The following SDK1 variants were observed in gnomAD, a reference collection of about 807,000 sequenced individuals.
SDK1 encodes the protein protein sidekick-1.
SDK1 carries 157 observed loss-of-function variants against 245.5 expected under a neutral mutation model. The observed-to-expected ratio is 0.64, with a 90% CI of 0.56 to 0.73. The LOEUF (loss-of-function observed/expected upper bound fraction) is 0.73. Among genes scored for constraint, SDK1 ranks in the 30% least tolerant of loss-of-function variants. SDK1 has a pLI of 0.00. For synonymous variants in SDK1, 1,647 were observed against 1,278.5 expected (o/e 1.29, Z -6.15); for missense variants, 3,583 against 3,002.3 (o/e 1.19, Z -4.52).
chr7:3,869,153 CTTTTTTTTT>C (rs751723918), intron 5 of SDK1, among the ~76,000 whole-genome samples: 1 of 117,130 alleles, frequency 8.5e-6, no homozygotes, highest in African/African-American at 3.5e-5. Context: ...TTTTTCATTT[CTTTTTTTTT>C]TTTTTTTTTT....
chr7:3,598,630 C>T (rs755652028), intron 1 of SDK1, among the ~76,000 whole-genome samples: 1 of 152,200 alleles, frequency 6.6e-6, no homozygotes. Flanking sequence ...TGTCCCCATC[C>T]CTGGCCCTGG....
At chr7:3,389,954 G>GT (rs1334486148) in intron 1 of SDK1, among the ~76,000 whole-genome samples, 4 of 152,258 alleles carry the variant, frequency 2.6e-5, no homozygotes, top group African/African-American at 9.6e-5. Flanking sequence ...AAGACTGCTG[G>GT]TGAGGGCTTA....
chr7:3,558,467 T>C (rs1360602566), intron 1 of SDK1, among the ~76,000 whole-genome samples: 1 of 152,190 alleles, frequency 6.6e-6, no homozygotes, highest in East Asian at 1.9e-4. Flanking sequence ...GAAAAGATCA[T>C]AGAGAAGATT....
chr7:3,747,087 C>A (rs1779646908), intron 4 of SDK1, among the ~76,000 whole-genome samples: 1 of 152,150 alleles, frequency 6.6e-6, no homozygotes, highest in African/African-American at 2.4e-5. Context: ...ACATTCATCT[C>A]CATGAGAACT....
chr7:3,311,299 T>G (rs1248479674), intron 1 of SDK1, among the ~76,000 whole-genome samples: 1 of 152,140 alleles, frequency 6.6e-6, no homozygotes, highest in African/African-American at 2.4e-5. Context: ...TCAGTCTTGC[T>G]TAGAGAGGTA....
rs146377348 is a variant in SDK1 at position 3,733,399 on chromosome 7, A to G, written c.714-88051A>G. On this transcript the variant is annotated intron_variant, in intron 4 of 44. Transcript: ENST00000404826. ...GAGACTATCTTATGAGTTAGTGTGC[A>G]TGATTGATTTGTAGAAACTACAGAT... Among the ~76,000 whole-genome samples the G allele has an allele frequency of 2.4e-3, 367 of 152,318 alleles. 3 individuals are homozygous for G. Among genetic ancestry groups the G allele is most frequent in the African/African-American group, 8.5e-3 (353 of 41,574 alleles).
intron 4 of SDK1, among the ~76,000 whole-genome samples, chr7:3,646,338 G>A (rs1782834375): frequency 7.3e-6 from 1 of 136,194 alleles, no homozygotes; most frequent in African/African-American, 3.0e-5. Context: ...TCATTTTCAA[G>A]GGAAACAGTA....
rs116073295 is a variant in SDK1, at chr7:3,687,897, C to T, written c.713+45792C>T. ...ACCTGGATAAAGGTACCCAGGATTG[C>T]TGTATTTTTCTTACAGCTGCATGTG... On this transcript the variant is annotated intron_variant, in intron 4 of 44. Coordinates refer to ENST00000404826, the MANE Select transcript of SDK1 (RefSeq NM_152744.4). Among the ~76,000 whole-genome samples, 436 of 152,272 alleles carry T rather than the reference C, an allele frequency of 2.9e-3. 3 individuals are homozygous for T. The highest frequency in any genetic ancestry group is 1.0e-2 in the African/African-American group (415 of 41,558).
intron 1 of SDK1, among the ~76,000 whole-genome samples, chr7:3,587,931 T>C (rs974732660): frequency 6.6e-6 from 1 of 152,236 alleles, no homozygotes; most frequent in African/African-American, 2.4e-5. Context: ...AGTAAACATG[T>C]GTTGGATGGT....
chr7:3,535,189 T>C (rs1317680992), intron 1 of SDK1, among the ~76,000 whole-genome samples: 1 of 151,992 alleles, frequency 6.6e-6, no homozygotes, highest in African/African-American at 2.4e-5. Flanking sequence ...GGCAGGAGAA[T>C]TGCTTGAACC....
At chr7:4,211,701 C>T (rs1230999244) in intron 38 of SDK1, among the ~76,000 whole-genome samples, 4 of 152,180 alleles carry the variant, frequency 2.6e-5, no homozygotes, top group African/African-American at 9.6e-5. Flanking sequence ...GCTCCGCCTC[C>T]CGGGTTCGCA....
At chr7:3,736,568 G>T (rs889522778) in intron 4 of SDK1, among the ~76,000 whole-genome samples, 1 of 152,030 alleles carries the variant, frequency 6.6e-6, no homozygotes, top group Admixed American at 6.5e-5. Context: ...CACCATGCCC[G>T]GCCACATTAG....
At chr7:3,379,397 G>C in intron 1 of SDK1, among the ~76,000 whole-genome samples, 1 of 152,106 alleles carries the variant, frequency 6.6e-6, no homozygotes, top group South Asian at 2.1e-4. Flanking sequence ...AGTCCACCTG[G>C]AGCACGTGTG....
intron 1 of SDK1, among the ~76,000 whole-genome samples, chr7:3,600,724 A>G (rs1013690548): frequency 2.0e-5 from 3 of 151,456 alleles, no homozygotes; most frequent in Non-Finnish European, 4.4e-5. Flanking sequence ...AATTTTTTGT[A>G]TTTTTAGTAG....
At chr7:3,840,378 A>C (rs77617046) in intron 5 of SDK1, among the ~76,000 whole-genome samples, 6,175 of 152,280 alleles carry the variant, frequency 0.041, 411 homozygotes, top group African/African-American at 0.14. Context: ...TTCTAATGCT[A>C]CATGCCCATG....
chr7:3,851,491 C>G (rs189076517), intron 5 of SDK1, among the ~76,000 whole-genome samples: 40 of 152,090 alleles, frequency 2.6e-4, no homozygotes, highest in Admixed American at 2.0e-3. Context: ...TTGCTTTGTC[C>G]AAGTTTTCCC....
At chr7:3,579,234 A>G (rs1780404983) in intron 1 of SDK1, among the ~76,000 whole-genome samples, 1 of 149,770 alleles carries the variant, frequency 6.7e-6, no homozygotes, top group Non-Finnish European at 1.5e-5. Context: ...GCAGAAAAAA[A>G]TGACTTTAGC....
intron 28 of SDK1, among the ~76,000 whole-genome samples, chr7:4,144,472 G>A (rs583453): frequency 0.18 from 27,469 of 151,808 alleles, 2,680 homozygotes; most frequent in South Asian, 0.24. Context: ...GATGGTGAGC[G>A]GTGATGCCTG....
chr7:3,906,470 C>T (rs984996217), intron 5 of SDK1, among the ~76,000 whole-genome samples: 6 of 151,924 alleles, frequency 3.9e-5, no homozygotes, highest in African/African-American at 7.3e-5. Context: ...ATTCATGGAA[C>T]GCTCATGCTC....
Sources: allele counts gnomAD v4.1 joint callset (sites outside exome capture counted in the v4.1 genomes callset), GRCh38; gene constraint gnomAD v4.1.1; transcripts MANE v1.5; gene names NCBI Gene and HGNC (gene_info 2026-07-23, HGNC 2026-07-21).